Variants in PRKAR2B observed in about 807,000 individuals in gnomAD.
PRKAR2B encodes protein kinase cAMP-dependent type II regulatory subunit beta.
Under a neutral mutation model 49.9 loss-of-function variants are expected in PRKAR2B, and 14 were observed. The ratio of observed to expected loss-of-function variants is 0.28; its 90% CI spans 0.19 to 0.44. The LOEUF (loss-of-function observed/expected upper bound fraction) is 0.44, where lower values mean the gene tolerates loss of function less well. Among genes scored for constraint, PRKAR2B ranks in the 20% least tolerant of loss-of-function variants. PRKAR2B has a pLI of 1.00. For synonymous variants in PRKAR2B, 196 were observed against 197.7 expected (o/e 0.99, Z 0.07); for missense variants, 393 against 537.9 (o/e 0.73, Z 2.67).
intron 1 of PRKAR2B, among the ~76,000 whole-genome samples, chr7:107,047,107 A>G (rs1793713325): frequency 6.6e-6 from 1 of 152,210 alleles, no homozygotes; most frequent in Non-Finnish European, 1.5e-5. Context: ...CTTGTTAAAC[A>G]ATTGCACTAT....
intron 3 of PRKAR2B, among the ~76,000 whole-genome samples, chr7:107,123,127 A>C (rs1177918147): frequency 6.6e-6 from 1 of 152,232 alleles, no homozygotes; most frequent in Non-Finnish European, 1.5e-5. Context: ...TTTGTGTATA[A>C]ATGAGTATGA....
At chr7:107,156,214 C>A (rs1326953922) in intron 8 of PRKAR2B, among the ~76,000 whole-genome samples, 1 of 152,040 alleles carries the variant, frequency 6.6e-6, no homozygotes, top group African/African-American at 2.4e-5. Context: ...CACATGTATA[C>A]CTGTGTAACA....
At chr7:107,085,380 AT>A (rs1367345487) in intron 2 of PRKAR2B, among the ~76,000 whole-genome samples, 27 of 152,304 alleles carry the variant, frequency 1.8e-4, no homozygotes, top group African/African-American at 6.3e-4. Flanking sequence ...GTAAGGTTCA[AT>A]TATCAAAATT....
chr7:107,149,896 G>A (rs1221749428), intron 6 of PRKAR2B, among the ~76,000 whole-genome samples: 2 of 151,888 alleles, frequency 1.3e-5, no homozygotes, highest in African/African-American at 4.8e-5. Flanking sequence ...GCTTGAGGGG[G>A]CAGATACCCC....
intron 1 of PRKAR2B, among the ~76,000 whole-genome samples, chr7:107,054,892 A>G (rs1793878998): frequency 6.6e-6 from 1 of 152,136 alleles, no homozygotes; most frequent in Non-Finnish European, 1.5e-5. Context: ...TACATGTGCC[A>G]TGTTGGTGTG....
intron 2 of PRKAR2B, among the ~76,000 whole-genome samples, chr7:107,116,792 T>C (rs1164057691): frequency 1.3e-5 from 2 of 151,638 alleles, no homozygotes; most frequent in Non-Finnish European, 2.9e-5. Context: ...TGGGCAGAAA[T>C]GTGAATGAAC....
intron 1 of PRKAR2B, among the ~76,000 whole-genome samples, chr7:107,062,741 C>G (rs1317134699): frequency 1.3e-5 from 2 of 151,598 alleles, no homozygotes; most frequent in African/African-American, 4.8e-5. Flanking sequence ...CTCTTGAAAT[C>G]TTTTTTTTCC....
intron 2 of PRKAR2B, among the ~76,000 whole-genome samples, chr7:107,106,510 A>G (rs750389388): frequency 4.6e-5 from 7 of 152,206 alleles, no homozygotes; most frequent in East Asian, 1.9e-4. Flanking sequence ...GGATCCTCCA[A>G]AAACTGACCA....
chr7:107,055,526 C>T (rs1429719347), intron 1 of PRKAR2B, among the ~76,000 whole-genome samples: 1 of 152,136 alleles, frequency 6.6e-6, no homozygotes, highest in Non-Finnish European at 1.5e-5. Flanking sequence ...GAGATGGTAT[C>T]TCATTGTGGT....
intron 1 of PRKAR2B, 110 bp from the exon 2 acceptor site, chr7:107,070,171 C>T: frequency 3.1e-6 from 2 of 640,704 alleles, no homozygotes; most frequent in Non-Finnish European, 2.6e-6. Context: ...CTTATTTATT[C>T]ATCTTTTTCT....
Position 107,151,008 on chromosome 7 carries a change from C to G in PRKAR2B, c.828C>G (p.Phe276Leu). Residue 276 changes from phenylalanine (F) to leucine (L), a missense_variant, in exon 7 of 11, where the codon TTC (phenylalanine) becomes TTG (leucine). This residue lies in a region of PRKAR2B where 233 missense variants were observed against 390.4 expected (regional missense o/e 0.60). Transcript: ENST00000265717. The stretch of plus-strand genomic sequence containing the variant: ...AAAGCTTTATTGAGTCACTGCCATT[C>G]CTTAAATCTTTGGAGGTAAGTATAT... ...MYESFIESLPFLKSLEFSERL... is the reference protein window; with the variant it reads ...MYESFIESLPLLKSLEFSERL... The G allele has an allele frequency of 6.4e-7, 1 of 1,573,214 alleles. No individual in the cohort carries two copies. The highest frequency in any genetic ancestry group is 8.6e-7 in the Non-Finnish European group (1 of 1,158,544).
intron 1 of PRKAR2B, among the ~76,000 whole-genome samples, chr7:107,051,177 A>G (rs917223565): frequency 6.6e-6 from 1 of 152,230 alleles, no homozygotes; most frequent in Non-Finnish European, 1.5e-5. Flanking sequence ...CGCTATTTAT[A>G]TTAACTTACA....
At chr7:107,111,481 G>A (rs1243799618) in intron 2 of PRKAR2B, among the ~76,000 whole-genome samples, 1 of 152,146 alleles carries the variant, frequency 6.6e-6, no homozygotes, top group Non-Finnish European at 1.5e-5. Flanking sequence ...GTCTGACCAA[G>A]TGCAGTCCCA....
chr7:107,104,340 G>A (rs529089477), intron 2 of PRKAR2B, among the ~76,000 whole-genome samples: 11 of 152,056 alleles, frequency 7.2e-5, no homozygotes, highest in Non-Finnish European at 1.2e-4. Flanking sequence ...TGCCCTCCTC[G>A]CCTCAAAAAA....
At chr7:107,145,888 C>T (rs775746950) in intron 5 of PRKAR2B, among the ~76,000 whole-genome samples, 3 of 151,460 alleles carry the variant, frequency 2.0e-5, no homozygotes, top group East Asian at 1.9e-4. Flanking sequence ...TATGGGATCC[C>T]GCCATCACAC....
intron 1 of PRKAR2B, among the ~76,000 whole-genome samples, chr7:107,059,251 A>C (rs1049079733): frequency 6.6e-6 from 1 of 151,972 alleles, no homozygotes; most frequent in African/African-American, 2.4e-5. Flanking sequence ...CGTGGGTGAC[A>C]GAGTAAGACT....
chr7:107,156,150 A>G (rs1796083548), intron 8 of PRKAR2B, among the ~76,000 whole-genome samples: 1 of 152,192 alleles, frequency 6.6e-6, no homozygotes, highest in Admixed American at 6.5e-5. Context: ...CAGATACCTA[A>G]TGCATGCGGG....
chr7:107,146,507 T>C (rs3729876), intron 6 of PRKAR2B, 46 bp downstream of exon 6: 1,279,434 of 1,574,316 alleles, frequency 0.81, 521,170 homozygotes, highest in East Asian at 0.93. Context: ...TTTGTAGCAA[T>C]TGCTATGACG....
At chr7:107,070,061 A>C (rs1794233004) in intron 1 of PRKAR2B, 1 of 376,776 alleles carries the variant, frequency 2.7e-6, no homozygotes, top group African/African-American at 2.1e-5. Context: ...CTTTTAATTT[A>C]AAGTGCTAAT....
Sources: gnomAD v4.1 joint callset for allele counts (sites outside exome capture counted in the v4.1 genomes callset) on GRCh38, gnomAD v4.1.1 for gene constraint, gnomAD v4.1.1 regional missense constraint, MANE v1.5 for transcripts, NCBI Gene and HGNC (gene_info 2026-07-23, HGNC 2026-07-21) for gene names.